CDH11: variants seen among roughly 807,000 people sequenced by gnomAD.
CDH11 encodes the protein cadherin-11.
CDH11 carries 11 observed loss-of-function variants against 67.8 expected under a neutral mutation model. That is an observed-to-expected ratio of 0.16 (90% CI 0.10 to 0.27). CDH11 has a LOEUF of 0.27. Among genes scored for constraint, CDH11 ranks in the 10% least tolerant of loss-of-function variants. The probability of loss-of-function intolerance (pLI) is 1.00; values close to 1 mark genes in which losing one functional copy is unlikely to be tolerated. For missense variants in CDH11, 847 were observed against 1,031.2 expected (o/e 0.82, Z 2.45); for synonymous variants, 419 against 400.0 (o/e 1.05, Z -0.57).
chr16:64,961,501 T>TA (rs367728665), intron 11 of CDH11, among the ~76,000 whole-genome samples: 4 of 152,302 alleles, frequency 2.6e-5, no homozygotes, highest in African/African-American at 9.6e-5. Flanking sequence ...TACCAGTTTT[T>TA]AGTATGTCAG....
At chr16:64,989,889 C>T (rs1053830294) in intron 6 of CDH11, among the ~76,000 whole-genome samples, 15 of 152,292 alleles carry the variant, frequency 9.8e-5, no homozygotes, top group African/African-American at 3.4e-4. Flanking sequence ...TTTCCCCTTA[C>T]AGAGATTTCA....
At chr16:64,999,461 T>G (rs889455838) in intron 3 of CDH11, among the ~76,000 whole-genome samples, 3 of 152,344 alleles carry the variant, frequency 2.0e-5, no homozygotes, top group East Asian at 1.9e-4. Context: ...AGGTGACTAT[T>G]CCACATTTAT....
chr16:65,052,952 T>G (rs2074082618), intron 2 of CDH11, among the ~76,000 whole-genome samples: 1 of 152,228 alleles, frequency 6.6e-6, no homozygotes, highest in Admixed American at 6.5e-5. Context: ...TCCGTCCATG[T>G]TTCTATTCTG....
intron 1 of CDH11, among the ~76,000 whole-genome samples, chr16:65,082,956 CA>C (rs1331937695): frequency 7.9e-5 from 12 of 152,216 alleles, no homozygotes; most frequent in Admixed American, 3.3e-4. Flanking sequence ...AGAAGGCACA[CA>C]AGGGTTTTAT....
intron 2 of CDH11, among the ~76,000 whole-genome samples, chr16:65,053,057 C>T (rs912559561): frequency 7.9e-5 from 12 of 151,998 alleles, no homozygotes; most frequent in South Asian, 2.1e-4. Context: ...TACATGGAGA[C>T]GAGCCGTAGG....
At chr16:65,119,308 A>T (rs2075288445) in intron 1 of CDH11, 1 of 152,118 alleles carries the variant, frequency 6.6e-6, no homozygotes, top group Non-Finnish European at 1.5e-5. Flanking sequence ...TCAAACATGC[A>T]CATCCACAGC....
chr16:65,049,719 T>C (rs1244084957), intron 2 of CDH11, among the ~76,000 whole-genome samples: 1 of 152,118 alleles, frequency 6.6e-6, no homozygotes, highest in Non-Finnish European at 1.5e-5. Context: ...CATTAGTTGA[T>C]TGTGGTGATG....
At position 65,094,005 on chromosome 16, in the gene CDH11, A is replaced by G. The variant is rs140014256; in HGVS notation, c.-298+27875T>C. ...CCTCCAGGAGAAAGATGGACTCCCA[A>G]TGATTGGCCTTGTGAAGAGCTCAAA... On this transcript the variant is annotated intron_variant, in intron 1 of 12. Transcript: ENST00000268603. Among the ~76,000 whole-genome samples the G allele has an allele frequency of 1.1e-4, 16 of 152,320 alleles. No homozygotes were observed. In the East Asian group the frequency reaches 1.4e-3, roughly 13 times the overall value.
chr16:64,970,768 C>T (rs1276627300), intron 11 of CDH11, among the ~76,000 whole-genome samples: 4 of 152,194 alleles, frequency 2.6e-5, no homozygotes, highest in Admixed American at 6.5e-5. Flanking sequence ...CCTCCTTTTG[C>T]TCCCATGTTA....
intron 11 of CDH11, among the ~76,000 whole-genome samples, chr16:64,969,379 C>A (rs1280952485): frequency 6.6e-6 from 1 of 152,078 alleles, no homozygotes; most frequent in Admixed American, 6.5e-5. Flanking sequence ...AGGAATACAG[C>A]CCCAGGAGTT....
chr16:65,070,870 GC>G (rs2074403375), intron 1 of CDH11, among the ~76,000 whole-genome samples: 2 of 152,144 alleles, frequency 1.3e-5, no homozygotes, highest in Admixed American at 1.3e-4. Context: ...TTTTCAAAAT[GC>G]AAGGCAAAAT....
chr16:65,074,601 A>G (rs2074476889), intron 1 of CDH11, among the ~76,000 whole-genome samples: 1 of 152,186 alleles, frequency 6.6e-6, no homozygotes, highest in African/African-American at 2.4e-5. Flanking sequence ...ACAAGTTCCT[A>G]TGGATGTACC....
At position 65,053,946 on chromosome 16, in the gene CDH11, A is replaced by C. The variant is rs1429843988; in HGVS notation, c.-297-18T>G. On this transcript the variant is annotated intron_variant, in intron 1 of 12. Transcript: ENST00000268603. ...AGTGATTTCTGCAAAAAGTGAAAGGATCATTAGTAACCTAGTGGTGCCATG... is the reference window on the plus strand; with the variant it reads ...AGTGATTTCTGCAAAAAGTGAAAGGCTCATTAGTAACCTAGTGGTGCCATG... 2.2e-6 allele frequency: 1 copy of C among 456,026 alleles called. No individual in the cohort carries two copies. The highest frequency in any genetic ancestry group is 1.5e-5 in the South Asian group (1 of 64,552). 28.2% of individuals were successfully genotyped at this position (456,026 alleles called of 1,614,324 possible).
chr16:65,083,484 G>A (rs917167786), intron 1 of CDH11, among the ~76,000 whole-genome samples: 1 of 152,340 alleles, frequency 6.6e-6, no homozygotes, highest in Non-Finnish European at 1.5e-5. Flanking sequence ...AAGCTGAGAA[G>A]GGTGTGTCCA....
At chr16:65,046,731 T>C (rs2142693985) in intron 2 of CDH11, among the ~76,000 whole-genome samples, 1 of 152,312 alleles carries the variant, frequency 6.6e-6, no homozygotes, top group Middle Eastern at 3.4e-3. Context: ...TCTGTAGGTT[T>C]GGATAGTTTT....
intron 8 of CDH11, among the ~76,000 whole-genome samples, chr16:64,975,563 G>A (rs35224): frequency 0.25 from 37,823 of 152,092 alleles, 5,807 homozygotes; most frequent in Middle Eastern, 0.36. Flanking sequence ...TGGGCATCTA[G>A]GGGAGGCTGA....
At chr16:64,981,674 C>T (rs1225541597) in intron 8 of CDH11, 1 of 161,132 alleles carries the variant, frequency 6.2e-6, no homozygotes, top group Non-Finnish European at 1.4e-5. Context: ...TACCTAACCT[C>T]CTCATAGAGT....
chr16:65,045,368 T>TATATATAC, intron 2 of CDH11, among the ~76,000 whole-genome samples: 1 of 124,142 alleles, frequency 8.1e-6, no homozygotes, highest in Admixed American at 8.6e-5. Context: ...TATATATATA[T>TATATATAC]ATATGAACTG....
chr16:65,019,176 A>C (rs1597099178), intron 2 of CDH11, among the ~76,000 whole-genome samples: 1 of 152,284 alleles, frequency 6.6e-6, no homozygotes, highest in South Asian at 2.1e-4. Flanking sequence ...TCATTTTTGG[A>C]CTTTAGGAGA....
Sources: allele counts gnomAD v4.1 joint callset (sites outside exome capture counted in the v4.1 genomes callset), GRCh38; gene constraint gnomAD v4.1.1; transcripts MANE v1.5; gene names NCBI Gene and HGNC (gene_info 2026-07-23, HGNC 2026-07-21).